GRM5: variants seen among roughly 807,000 people sequenced by gnomAD.
GRM5 encodes glutamate metabotropic receptor 5.
GRM5 carries 19 observed loss-of-function variants against 83.1 expected under a neutral mutation model. That is an observed-to-expected ratio of 0.23 (90% CI 0.16 to 0.34). The LOEUF (loss-of-function observed/expected upper bound fraction) is 0.34. Ranked by LOEUF, GRM5 falls within the 10% of genes least tolerant of loss-of-function variation. The pLI, the probability that GRM5 is intolerant of heterozygous loss-of-function variation, is 1.00. For synonymous variants in GRM5, 675 were observed against 633.6 expected (o/e 1.07, Z -0.98); for missense variants, 1,160 against 1,588.3 (o/e 0.73, Z 4.58).
At chr11:88,757,901 G>A (rs559637252) in intron 3 of GRM5, among the ~76,000 whole-genome samples, 1 of 152,176 alleles carries the variant, frequency 6.6e-6, no homozygotes, top group Admixed American at 6.5e-5. Flanking sequence ...GATTGTAGTT[G>A]GTTTCTAACC....
In GRM5 at chr11:88,863,189, A is replaced by T. The variant is rs117979348; in HGVS notation, c.662-13034T>A. Among the ~76,000 whole-genome samples the T allele has an allele frequency of 7.9e-3, 1,199 of 152,232 alleles. 116 individuals are homozygous for T. The East Asian group carries it at 0.21, about 26-fold the overall frequency. ...GAATGTAAATTATTTCAACCATTGTAGAAGATAGTATGGCAATTCCTCAAA... is the reference window on the plus strand; with the variant it reads ...GAATGTAAATTATTTCAACCATTGTTGAAGATAGTATGGCAATTCCTCAAA... On this transcript the variant is annotated intron_variant, in intron 2 of 9. Transcript: ENST00000305447.
chr11:88,659,338 C>A (rs1304308381), intron 3 of GRM5, among the ~76,000 whole-genome samples: 1 of 152,090 alleles, frequency 6.6e-6, no homozygotes, highest in Non-Finnish European at 1.5e-5. Context: ...ATTTCTTTTT[C>A]TCCTGGATTT....
At chr11:88,585,330 C>A (rs989972127) in intron 7 of GRM5, among the ~76,000 whole-genome samples, 5 of 152,092 alleles carry the variant, frequency 3.3e-5, no homozygotes, top group Non-Finnish European at 7.4e-5. Context: ...AGCCAATGAA[C>A]CTAAGATGGA....
intron 3 of GRM5, among the ~76,000 whole-genome samples, chr11:88,724,785 C>T (rs956011677): frequency 1.3e-5 from 2 of 152,094 alleles, no homozygotes; most frequent in African/African-American, 4.8e-5. Context: ...GGCATCACTT[C>T]TTCCGGGAAG....
chr11:88,740,126 T>C (rs1237896398), intron 3 of GRM5, among the ~76,000 whole-genome samples: 1 of 152,108 alleles, frequency 6.6e-6, no homozygotes, highest in Non-Finnish European at 1.5e-5. Flanking sequence ...AATGGCTAAG[T>C]ACATTGTAGA....
intron 3 of GRM5, among the ~76,000 whole-genome samples, chr11:88,804,495 A>G (rs1450639006): frequency 1.3e-5 from 2 of 151,652 alleles, no homozygotes; most frequent in Non-Finnish European, 2.9e-5. Flanking sequence ...ATGAGAACAC[A>G]TGGACACAGG....
At chr11:88,531,026 A>G (rs1941995950) in intron 8 of GRM5, among the ~76,000 whole-genome samples, 1 of 152,128 alleles carries the variant, frequency 6.6e-6, no homozygotes, top group South Asian at 2.1e-4. Context: ...TTTATCCAGA[A>G]GTTGGCAGTA....
intron 3 of GRM5, among the ~76,000 whole-genome samples, chr11:88,769,443 T>C (rs567880692): frequency 3.4e-4 from 51 of 152,110 alleles, no homozygotes; most frequent in Non-Finnish European, 6.5e-4. Flanking sequence ...AACACCCAGA[T>C]CCAGATCTTG....
chr11:89,019,219 T>A (rs1306924863), intron 2 of GRM5, among the ~76,000 whole-genome samples: 2 of 152,162 alleles, frequency 1.3e-5, no homozygotes, highest in Non-Finnish European at 2.9e-5. Context: ...GGGTTGTATG[T>A]TTTGGGGAGG....
intron 3 of GRM5, among the ~76,000 whole-genome samples, chr11:88,735,124 A>T: frequency 6.6e-6 from 1 of 152,082 alleles, no homozygotes; most frequent in East Asian, 1.9e-4. Context: ...TAATAAAATC[A>T]TCTTATATAA....
intron 8 of GRM5, among the ~76,000 whole-genome samples, chr11:88,535,621 A>G (rs751212432): frequency 9.2e-5 from 14 of 152,202 alleles, no homozygotes; most frequent in Non-Finnish European, 1.6e-4. Context: ...GTTAGGTTAT[A>G]GACTTTCTGA....
chr11:88,995,688 A>C (rs1940164518), intron 2 of GRM5, among the ~76,000 whole-genome samples: 1 of 152,110 alleles, frequency 6.6e-6, no homozygotes, highest in Non-Finnish European at 1.5e-5. Context: ...TGGCTGCTGC[A>C]ATCTGTAGGA....
At chr11:88,518,500 A>G (rs1264678989) in intron 9 of GRM5, among the ~76,000 whole-genome samples, 3 of 152,014 alleles carry the variant, frequency 2.0e-5, no homozygotes, top group Non-Finnish European at 4.4e-5. Flanking sequence ...TCATGAATAA[A>G]TGGTTTCAGG....
chr11:88,509,067 C>T lies in GRM5; in HGVS notation c.3164G>A (p.Gly1055Asp). The change falls in exon 10 of 10, where the codon GGC (glycine) becomes GAC (aspartate). Residue 1055 changes from glycine (G) to aspartate (D), a missense_variant. This residue lies in a region of GRM5 where 562 missense variants were observed against 532.4 expected (regional missense o/e 1.06). Transcript: ENST00000305447. ...ACTGCTGATCTGCTCCATGAGGGAG[C>T]CCTGCGAGGAGCTGCTGCGCGCCAC... is the stretch of plus-strand genomic sequence containing the variant. ...EPVARSSSSQGSLMEQISSVV... is the reference protein window; with the variant it reads ...EPVARSSSSQDSLMEQISSVV... The T allele has an allele frequency of 6.4e-7, 1 of 1,554,092 alleles. No individual in the cohort carries two copies. Among genetic ancestry groups the T allele is most frequent in the Non-Finnish European group, 8.7e-7 (1 of 1,148,918 alleles).
At chr11:88,913,485 C>G (rs1455143387) in intron 2 of GRM5, among the ~76,000 whole-genome samples, 3 of 151,956 alleles carry the variant, frequency 2.0e-5, no homozygotes, top group African/African-American at 7.3e-5. Context: ...GAGCTGCATC[C>G]CTCTCTGTGG....
At position 89,043,628 on chromosome 11, in the gene GRM5, G is replaced by A. The variant is rs1941581422; in HGVS notation, c.661+3584C>T. 2.0e-5 allele frequency among the ~76,000 whole-genome samples: 3 copies of A among 151,814 alleles called. 1 individual carries two copies. In the South Asian group the frequency reaches 6.2e-4, roughly 31 times the overall value. ...CAATAGTATCTGATTTGGGAGAAGG[G>A]AAGTTAGAGACTAAAGTGAGAGGGA... On this transcript the variant is annotated intron_variant, in intron 2 of 9. Transcript: ENST00000305447.
chr11:88,590,716 C>T lies in GRM5; in HGVS notation c.1575G>A (p.Lys525=). ...CEKGQIKVIR[K]GEVSCCWTCT... is the part of the protein sequence containing the mutation. ...AGGTCCAACAACAGCTGACTTCTCC[C>T]TTTCGGATCACCTAAGGCAAATATT... Residue 525 remains lysine, a synonymous_variant, in exon 7 of 10, where the codon AAG becomes AAA. Transcript: ENST00000305447. 6.2e-7 allele frequency: 1 copy of T among 1,611,632 alleles called. No homozygotes were observed. Among genetic ancestry groups the T allele is most frequent in the South Asian group, 1.1e-5 (1 of 90,940 alleles).
chr11:88,929,050 AG>A (rs1296293382), intron 2 of GRM5, among the ~76,000 whole-genome samples: 2 of 152,054 alleles, frequency 1.3e-5, no homozygotes, highest in Non-Finnish European at 2.9e-5. Flanking sequence ...AAAGTGGTCA[AG>A]TAAATTGACA....
At chr11:89,009,762 G>C (rs1339936187) in intron 2 of GRM5, among the ~76,000 whole-genome samples, 1 of 150,842 alleles carries the variant, frequency 6.6e-6, no homozygotes, top group African/African-American at 2.4e-5. Flanking sequence ...TTAGCCGGGC[G>C]TGGTAGCGGG....
Sources: allele counts gnomAD v4.1 joint callset (sites outside exome capture counted in the v4.1 genomes callset), GRCh38; gene constraint gnomAD v4.1.1; regional missense constraint gnomAD v4.1.1; transcripts MANE v1.5; gene names NCBI Gene and HGNC (gene_info 2026-07-23, HGNC 2026-07-21).